The following GAP43 variants were observed in gnomAD, a reference collection of about 807,000 sequenced individuals.
GAP43 encodes the protein growth associated protein 43, also known as neuromodulin.
Under a neutral mutation model 18.6 loss-of-function variants are expected in GAP43, and 6 were observed. The ratio of observed to expected loss-of-function variants is 0.32; its 90% confidence interval spans 0.18 to 0.64. The LOEUF is 0.64. Among genes scored for constraint, GAP43 ranks in the 30% least tolerant of loss-of-function variants. The pLI is 0.78. For missense variants in GAP43, 292 were observed against 295.5 expected (o/e 0.99, Z 0.09); for synonymous variants, 115 against 111.4 (o/e 1.03, Z -0.20).
chr3:115,709,864 T>TATATATATATAC lies in GAP43; in HGVS notation c.629-10929_629-10928insTATATATATACA, dbSNP rs1023390895. 3.2e-3 allele frequency among the ~76,000 whole-genome samples: 425 copies of TATATATATATAC among 131,024 alleles called. 1 individual carries two copies. The highest frequency in any genetic ancestry group is 0.011 in the African/African-American group (396 of 37,110). The allele number at this position is 131,024 out of a possible 152,430, so 86.0% of individuals were successfully genotyped here. On this transcript the variant is annotated intron_variant, in intron 2 of 2. Transcript: ENST00000305124. Reference sequence around the variant, plus strand: ...ACATACATATATATATATATATATATACACACACATGAGCAATTGATTTTA... The same window carrying TATATATATATAC: ...ACATACATATATATATATATATATATATATATATATACACACACACATGAGCAATTGATTTTA...
At chr3:115,711,342 C>G (rs1038104969) in intron 2 of GAP43, among the ~76,000 whole-genome samples, 30 of 152,056 alleles carry the variant, frequency 2.0e-4, no homozygotes, top group African/African-American at 7.2e-4. Flanking sequence ...GTGCTATGAG[C>G]CAACACTGCA....
At chr3:115,650,222 C>T (rs551078223) in intron 1 of GAP43, among the ~76,000 whole-genome samples, 1 of 152,212 alleles carries the variant, frequency 6.6e-6, no homozygotes, top group African/African-American at 2.4e-5. Flanking sequence ...CTCTTCACAT[C>T]CCTCACAGGG....
chr3:115,648,948 G>C (rs983074211), intron 1 of GAP43, among the ~76,000 whole-genome samples: 1 of 152,080 alleles, frequency 6.6e-6, no homozygotes, highest in Non-Finnish European at 1.5e-5. Flanking sequence ...CTCTGAGTGG[G>C]TAGTTTAGTT....
intron 2 of GAP43, among the ~76,000 whole-genome samples, chr3:115,682,135 A>G (rs1708965666): frequency 6.6e-6 from 1 of 152,206 alleles, no homozygotes; most frequent in African/African-American, 2.4e-5. Flanking sequence ...TAATTCCCTC[A>G]CAGCCCTATC....
At chr3:115,695,909 T>C (rs924684493) in intron 2 of GAP43, among the ~76,000 whole-genome samples, 2 of 152,214 alleles carry the variant, frequency 1.3e-5, no homozygotes, top group Non-Finnish European at 2.9e-5. Flanking sequence ...GTCCAGGATG[T>C]TGCCTATTCT....
intron 2 of GAP43, among the ~76,000 whole-genome samples, chr3:115,709,250 C>T (rs756726664): frequency 2.6e-5 from 4 of 152,128 alleles, no homozygotes; most frequent in Admixed American, 6.6e-5. Context: ...GCTTTTGCAG[C>T]GAGAGTTCTT....
intron 2 of GAP43, among the ~76,000 whole-genome samples, chr3:115,690,918 G>A (rs1469139431): frequency 6.6e-6 from 1 of 151,792 alleles, no homozygotes; most frequent in African/African-American, 2.4e-5. Flanking sequence ...ACCATGCCCG[G>A]CTAACTTTTT....
intron 1 of GAP43, among the ~76,000 whole-genome samples, chr3:115,674,685 G>T (rs182656126): frequency 1.6e-4 from 24 of 152,114 alleles, no homozygotes; most frequent in Admixed American, 1.6e-3. Flanking sequence ...AGGAATAGTG[G>T]TCTTTTTTAA....
At chr3:115,679,469 G>C (rs188785599) in intron 2 of GAP43, among the ~76,000 whole-genome samples, 1 of 152,146 alleles carries the variant, frequency 6.6e-6, no homozygotes, top group East Asian at 1.9e-4. Context: ...CACGCTGCCT[G>C]CCCAGCTTTT....
intron 1 of GAP43, among the ~76,000 whole-genome samples, chr3:115,673,010 T>G (rs1401035236): frequency 2.0e-5 from 3 of 152,108 alleles, no homozygotes; most frequent in African/African-American, 7.2e-5. Context: ...CTCTCTCTCC[T>G]AACTCTTGTT....
chr3:115,649,315 G>A (rs768543722), intron 1 of GAP43, among the ~76,000 whole-genome samples: 9 of 152,158 alleles, frequency 5.9e-5, no homozygotes, highest in Non-Finnish European at 1.2e-4. Flanking sequence ...AATCACCTCC[G>A]AAAGGCCCCA....
At chr3:115,684,361 C>T (rs1234448346) in intron 2 of GAP43, among the ~76,000 whole-genome samples, 1 of 151,992 alleles carries the variant, frequency 6.6e-6, no homozygotes, top group South Asian at 2.1e-4. Flanking sequence ...TGGAGATGAA[C>T]ATTTCTATAG....
At chr3:115,649,296 T>C (rs1708495261) in intron 1 of GAP43, among the ~76,000 whole-genome samples, 3 of 152,082 alleles carry the variant, frequency 2.0e-5, no homozygotes, top group Admixed American at 1.3e-4. Flanking sequence ...TGCTGAGACC[T>C]CTTGACCTAA....
intron 2 of GAP43, among the ~76,000 whole-genome samples, chr3:115,713,768 A>ATTG (rs903054312): frequency 2.0e-5 from 3 of 152,228 alleles, no homozygotes; most frequent in African/African-American, 7.2e-5. Context: ...CTACCATTAC[A>ATTG]TTGTTGTAAA....
chr3:115,676,309 C>T lies in GAP43; in HGVS notation c.327C>T (p.Ser109=), dbSNP rs773971941. ...DEPGKAGETP[S]EEKKGEGDAA... The stretch of plus-strand genomic sequence containing the variant: ...CCGGCAAAGCAGGAGAAACTCCTTC[C>T]GAGGAGAAGAAGGGGGAGGGTGATG... Residue 109 remains serine, a synonymous_variant, in exon 2 of 3, where the codon TCC becomes TCT. Transcript: ENST00000305124. The T allele has an allele frequency of 4.6e-5, 75 of 1,613,960 alleles. No individual in the cohort carries two copies. The highest frequency in any genetic ancestry group is 3.7e-4 in the Admixed American group (22 of 60,002).
At chr3:115,670,223 A>G (rs1286245532) in intron 1 of GAP43, among the ~76,000 whole-genome samples, 1 of 118,438 alleles carries the variant, frequency 8.4e-6, no homozygotes, top group Non-Finnish European at 1.7e-5. Flanking sequence ...TTCAATTCCC[A>G]CCTATGAGTG....
chr3:115,707,759 T>G (rs959321227), intron 2 of GAP43, among the ~76,000 whole-genome samples: 1 of 152,112 alleles, frequency 6.6e-6, no homozygotes, highest in Non-Finnish European at 1.5e-5. Context: ...AAATTAAAGT[T>G]AGCAAAAAAA....
Position 115,655,945 on chromosome 3 carries a change from T to C in GAP43, c.31-20068T>C, listed in dbSNP as rs145223639. Among the ~76,000 whole-genome samples the C allele has an allele frequency of 3.5e-4, 53 of 152,326 alleles. No homozygotes were observed. In the South Asian group the frequency reaches 3.7e-3, roughly 11 times the overall value. ...GGCCTGGGATGGAAGGATAATAAATTGAGGCCTGCCACATGCCTTAGGCCA... is the reference window on the plus strand; with the variant it reads ...GGCCTGGGATGGAAGGATAATAAATCGAGGCCTGCCACATGCCTTAGGCCA... On this transcript the variant is annotated intron_variant, in intron 1 of 2. Transcript: ENST00000305124.
rs971483352 is a variant in GAP43 at position 115,644,740 on chromosome 3, G to C, written c.30+21021G>C. Among the ~76,000 whole-genome samples, 13 of 152,018 alleles carry C rather than the reference G, an allele frequency of 8.6e-5. No homozygotes were observed. The highest frequency in any genetic ancestry group is 3.1e-4 in the African/African-American group (13 of 41,436). ...CTGAAAACATTCCAGAAGAAAATTT[G>C]ATTTGTGGGAATTGAAGGATAAAAT... On this transcript the variant is annotated intron_variant, in intron 1 of 2. Transcript: ENST00000305124. This position sits in a 1 kb window ranked among gnomAD's most constrained non-coding sequence, Gnocchi z 4.2.
Sources: allele counts gnomAD v4.1 joint callset (sites outside exome capture counted in the v4.1 genomes callset), GRCh38; gene constraint gnomAD v4.1.1; non-coding constraint Gnocchi (gnomAD v3.1); transcripts MANE v1.5; gene names NCBI Gene and HGNC (gene_info 2026-07-23, HGNC 2026-07-21).